LPCAT2: variants seen among roughly 807,000 people sequenced by gnomAD.
LPCAT2 encodes the protein 1-AGP acyltransferase 11.
LPCAT2 carries 58 observed loss-of-function variants against 64.7 expected under a neutral mutation model. The ratio of observed to expected loss-of-function variants is 0.90; its 90% CI spans 0.73 to 1.12. LPCAT2 has a LOEUF of 1.12. LPCAT2 is among the 50% of genes most tolerant of loss of function. The probability of loss-of-function intolerance (pLI) is 0.00; values close to 1 mark genes in which losing one functional copy is unlikely to be tolerated. For missense variants in LPCAT2, 579 were observed against 669.8 expected (o/e 0.86, Z 1.50); for synonymous variants, 252 against 245.3 (o/e 1.03, Z -0.26).
chr16:55,549,786 A>G (rs1963495113), intron 10 of LPCAT2, among the ~76,000 whole-genome samples: 1 of 152,224 alleles, frequency 6.6e-6, no homozygotes, highest in Non-Finnish European at 1.5e-5. Flanking sequence ...ATTGATTTGT[A>G]TAGTTGCAAT....
At chr16:55,551,334 TC>T (rs1567400894) in intron 11 of LPCAT2, 2 of 13,624 alleles carry the variant, frequency 1.5e-4, no homozygotes, top group Non-Finnish European at 4.3e-3. Context: ...TCATATCATA[TC>T]ATATCATATA....
At chr16:55,543,196 G>A (rs558240050) in intron 8 of LPCAT2, among the ~76,000 whole-genome samples, 1 of 152,272 alleles carries the variant, frequency 6.6e-6, no homozygotes, top group East Asian at 1.9e-4. Flanking sequence ...AGGCCCATGG[G>A]TGTCAAATTT....
At chr16:55,518,292 G>C (rs1963042312) in intron 1 of LPCAT2, among the ~76,000 whole-genome samples, 1 of 151,700 alleles carries the variant, frequency 6.6e-6, no homozygotes, top group Non-Finnish European at 1.5e-5. Flanking sequence ...TAAATGGGAA[G>C]ACATCCTGTG....
intron 11 of LPCAT2, among the ~76,000 whole-genome samples, chr16:55,564,960 T>C (rs1197699814): frequency 6.6e-6 from 1 of 151,974 alleles, no homozygotes; most frequent in Non-Finnish European, 1.5e-5. Context: ...GGGATTAATA[T>C]CTAGAATATT....
intron 8 of LPCAT2, among the ~76,000 whole-genome samples, chr16:55,545,123 T>C (rs552502505): frequency 1.3e-4 from 20 of 152,076 alleles, no homozygotes; most frequent in Non-Finnish European, 2.8e-4. Context: ...AACAATACAA[T>C]TGAGGCATCA....
intron 8 of LPCAT2, among the ~76,000 whole-genome samples, chr16:55,543,996 T>C (rs1401748240): frequency 6.6e-6 from 1 of 152,228 alleles, no homozygotes; most frequent in African/African-American, 2.4e-5. Flanking sequence ...ATCCATGCCA[T>C]CCTCCACATC....
chr16:55,567,032 C>T, intron 11 of LPCAT2: 1 of 1,613,880 alleles, frequency 6.2e-7, no homozygotes, highest in Non-Finnish European at 8.5e-7. Flanking sequence ...CTGGACCAGA[C>T]ATGGAGGTGG....
In LPCAT2 at chr16:55,585,025, A is replaced by G. The variant is rs1963929508; in HGVS notation, c.*1927A>G. On this transcript the variant is annotated 3_prime_UTR_variant, in exon 14 of 14. Transcript: ENST00000262134. ...TTAATCATGAAAGCGTAGCATTGTA[A>G]ATTAAAGGTTTTCTTTGAGGCTCTT... 1 of 152,166 alleles carries G rather than the reference A, an allele frequency of 6.6e-6. No homozygotes were observed. The highest frequency in any genetic ancestry group is 6.5e-5 in the Admixed American group (1 of 15,276). 9.4% of individuals were successfully genotyped at this position (152,166 alleles called of 1,614,324 possible). A position where few individuals can be genotyped will look rare whatever the true frequency, so the allele number is the denominator to read the frequency against.
intron 1 of LPCAT2, among the ~76,000 whole-genome samples, chr16:55,514,151 A>C (rs907339721): frequency 4.6e-5 from 7 of 152,204 alleles, no homozygotes; most frequent in Non-Finnish European, 1.0e-4. Flanking sequence ...AGAAAAGCTA[A>C]GGGATGAGAT....
chr16:55,570,671 A>T (rs1963760036), intron 11 of LPCAT2, among the ~76,000 whole-genome samples: 1 of 152,162 alleles, frequency 6.6e-6, no homozygotes, highest in African/African-American at 2.4e-5. Flanking sequence ...CTTAAAAAAT[A>T]TTTGTGGAGG....
chr16:55,509,079 C>T lies in LPCAT2; in HGVS notation c.-103C>T. Reference sequence around the variant, plus strand: ...TAACTTCAGCGCCTGCGCAGAGGCTCCCCAGCGTCGCCCTAGGCTGGGACT... The same window carrying T: ...TAACTTCAGCGCCTGCGCAGAGGCTTCCCAGCGTCGCCCTAGGCTGGGACT... On this transcript the variant is annotated 5_prime_UTR_variant, in exon 1 of 14. Coordinates refer to ENST00000262134, the MANE Select transcript of LPCAT2 (RefSeq NM_017839.5). 9.6e-7 allele frequency: 1 copy of T among 1,041,820 alleles called. No homozygotes were observed. The highest frequency in any genetic ancestry group is 1.2e-6 in the Non-Finnish European group (1 of 802,042). 64.5% of individuals were successfully genotyped at this position (1,041,820 alleles called of 1,614,324 possible). A position where few individuals can be genotyped will look rare whatever the true frequency, so the allele number is the denominator to read the frequency against.
intron 11 of LPCAT2, among the ~76,000 whole-genome samples, chr16:55,569,417 T>G (rs1395701883): frequency 2.6e-5 from 4 of 152,208 alleles, no homozygotes; most frequent in Non-Finnish European, 5.9e-5. Flanking sequence ...TCCAGGAATA[T>G]GTTAGGCATG....
At chr16:55,582,248 C>T (rs2142428128) in intron 13 of LPCAT2, among the ~76,000 whole-genome samples, 1 of 152,248 alleles carries the variant, frequency 6.6e-6, no homozygotes, top group South Asian at 2.1e-4. Context: ...TGCCCTTTCC[C>T]AACCACACCC....
At chr16:55,551,329 TCATATC>T (rs1192861980) in intron 11 of LPCAT2, 4 of 107,740 alleles carry the variant, frequency 3.7e-5, no homozygotes, top group Non-Finnish European at 8.3e-5. Context: ...AAATATCATA[TCATATC>T]ATATCATATA....
At chr16:55,567,724 T>C in intron 11 of LPCAT2, 1 of 513,588 alleles carries the variant, frequency 1.9e-6, no homozygotes, top group Non-Finnish European at 3.5e-6. Flanking sequence ...TTTTGAGATT[T>C]GGATTTATAT....
intron 11 of LPCAT2, among the ~76,000 whole-genome samples, chr16:55,554,620 G>A (rs1963554335): frequency 6.6e-6 from 1 of 152,132 alleles, no homozygotes; most frequent in Non-Finnish European, 1.5e-5. Context: ...CTTATTATTT[G>A]TGTGTTCACT....
chr16:55,543,704 G>C (rs1459221023), intron 8 of LPCAT2, among the ~76,000 whole-genome samples: 1 of 152,084 alleles, frequency 6.6e-6, no homozygotes, highest in Non-Finnish European at 1.5e-5. Context: ...AAACAACTAT[G>C]CAAAATAGAG....
intron 11 of LPCAT2, among the ~76,000 whole-genome samples, chr16:55,561,985 C>G (rs1963641791): frequency 6.6e-6 from 1 of 152,000 alleles, no homozygotes; most frequent in Non-Finnish European, 1.5e-5. Context: ...CTAATAATAG[C>G]TAGAATAATC....
At chr16:55,522,854 G>A (rs552347528) in intron 1 of LPCAT2, among the ~76,000 whole-genome samples, 21 of 151,546 alleles carry the variant, frequency 1.4e-4, no homozygotes, top group Non-Finnish European at 3.0e-4. Context: ...AAATCATACA[G>A]CTTCTAGAAG....
Sources: allele counts gnomAD v4.1 joint callset (sites outside exome capture counted in the v4.1 genomes callset), GRCh38; gene constraint gnomAD v4.1.1; transcripts MANE v1.5; gene names NCBI Gene and HGNC (gene_info 2026-07-23, HGNC 2026-07-21).